The following LHFPL6 variants were observed in gnomAD, a reference collection of about 807,000 sequenced individuals.
LHFPL6 encodes the protein LHFPL tetraspan subfamily member 6.
A neutral mutation model predicts 20.6 loss-of-function variants in LHFPL6; 9 were observed. The observed-to-expected ratio is 0.44, with a 90% CI of 0.26 to 0.76. The LOEUF is 0.76. Ranked by LOEUF, LHFPL6 falls within the 30% of genes least tolerant of loss-of-function variation. The pLI is 0.20. For missense variants in LHFPL6, 218 were observed against 253.5 expected (o/e 0.86, Z 0.95); for synonymous variants, 105 against 98.7 (o/e 1.06, Z -0.38).
At chr13:39,350,104 A>T (rs554976744) in intron 3 of LHFPL6, among the ~76,000 whole-genome samples, 1 of 152,348 alleles carries the variant, frequency 6.6e-6, no homozygotes, top group East Asian at 1.9e-4. Context: ...AGCCGGGAAC[A>T]ATACAGACAG....
At chr13:39,402,902 A>T (rs1280878194) in intron 2 of LHFPL6, among the ~76,000 whole-genome samples, 1 of 152,230 alleles carries the variant, frequency 6.6e-6, no homozygotes, top group Non-Finnish European at 1.5e-5. Flanking sequence ...TGGCTGTGGG[A>T]AAGTAGCTCT....
At chr13:39,366,442 G>C (rs1216152131) in intron 3 of LHFPL6, among the ~76,000 whole-genome samples, 2 of 152,122 alleles carry the variant, frequency 1.3e-5, no homozygotes, top group Non-Finnish European at 2.9e-5. Context: ...ACTTGTACTA[G>C]CACCCATGAG....
chr13:39,527,492 C>CCAGAAAA (rs1292572663), intron 2 of LHFPL6, among the ~76,000 whole-genome samples: 4 of 151,374 alleles, frequency 2.6e-5, no homozygotes, highest in African/African-American at 9.7e-5. Flanking sequence ...CAACATGGTT[C>CCAGAAAA]CATCTGTTGT....
chr13:39,371,794 G>A (rs891150851), intron 3 of LHFPL6, among the ~76,000 whole-genome samples: 2 of 152,138 alleles, frequency 1.3e-5, no homozygotes, highest in African/African-American at 4.8e-5. Flanking sequence ...ACCATAAGAA[G>A]CACGTGGCAT....
chr13:39,348,581 G>A (rs1387518194), intron 3 of LHFPL6, among the ~76,000 whole-genome samples: 1 of 152,008 alleles, frequency 6.6e-6, no homozygotes, highest in Non-Finnish European at 1.5e-5. Flanking sequence ...TTTTTCCTTG[G>A]CACATTTCCT....
chr13:39,400,812 T>C (rs1207914009), intron 2 of LHFPL6, among the ~76,000 whole-genome samples: 76 of 84,728 alleles, frequency 9.0e-4, no homozygotes, highest in African/African-American at 2.8e-3. Flanking sequence ...AAAAAAAGAA[T>C]GGCAAATATT....
intron 2 of LHFPL6, among the ~76,000 whole-genome samples, chr13:39,535,635 G>A (rs1401615438): frequency 6.6e-6 from 1 of 152,208 alleles, no homozygotes; most frequent in Non-Finnish European, 1.5e-5. Flanking sequence ...TTCAGGGACA[G>A]TGTACACATT....
chr13:39,449,338 G>A (rs553285595), intron 2 of LHFPL6, among the ~76,000 whole-genome samples: 5 of 152,252 alleles, frequency 3.3e-5, no homozygotes, highest in East Asian at 3.9e-4. Context: ...TTACTTATAC[G>A]GTTATAAAAG....
At chr13:39,596,627 T>C (rs1157717517) in intron 2 of LHFPL6, among the ~76,000 whole-genome samples, 1 of 148,454 alleles carries the variant, frequency 6.7e-6, no homozygotes, top group Non-Finnish European at 1.5e-5. Flanking sequence ...ACAAGAGTAG[T>C]TATTATAGTA....
chr13:39,479,118 CATCTATCT>C (rs71077302), intron 2 of LHFPL6, among the ~76,000 whole-genome samples: 22 of 121,642 alleles, frequency 1.8e-4, no homozygotes, highest in East Asian at 4.6e-4. Context: ...TCTATCCATC[CATCTATCT>C]ATCTATCTAT....
rs758194335 is a variant in LHFPL6 at position 39,600,912 on chromosome 13, G to T, written c.305C>A (p.Thr102Asn). 6.3e-6 allele frequency: 10 copies of T among 1,587,860 alleles called. No individual in the cohort carries two copies. Among genetic ancestry groups the T allele is most frequent in the Middle Eastern group, 1.7e-4 (1 of 5,926 alleles). Residue 102 changes from threonine (T) to asparagine (N), a missense_variant, in exon 2 of 4, where the codon ACT becomes AAT. Physicochemically the swap from Thr to Asn is moderately conservative, Grantham distance 65. Transcript: ENST00000379589. Reference protein sequence around the residue: ...GCGLLLLVALTALMGCCVSDL... With the variant: ...GCGLLLLVALNALMGCCVSDL... ...GGAAACACAGCAACCCATGAGGGCA[G>T]TGAGCGCCACCAGGAGGAGGAGGCC...
intron 2 of LHFPL6, among the ~76,000 whole-genome samples, chr13:39,423,441 G>A (rs536372647): frequency 6.6e-6 from 1 of 150,536 alleles, no homozygotes; most frequent in Non-Finnish European, 1.5e-5. Context: ...TTTATTTTTT[G>A]AGATGAAGTG....
intron 2 of LHFPL6, among the ~76,000 whole-genome samples, chr13:39,505,073 A>G (rs2138467772): frequency 6.6e-6 from 1 of 152,304 alleles, no homozygotes; most frequent in African/African-American, 2.4e-5. Context: ...TTCATTTTAG[A>G]TTCATTTACA....
intron 2 of LHFPL6, among the ~76,000 whole-genome samples, chr13:39,525,598 C>G (rs1257763233): frequency 1.3e-5 from 2 of 151,990 alleles, no homozygotes; most frequent in African/African-American, 4.8e-5. Context: ...CCAGTAAATT[C>G]ACTTAAGGAC....
chr13:39,509,915 G>A (rs1456284074), intron 2 of LHFPL6, among the ~76,000 whole-genome samples: 1 of 152,186 alleles, frequency 6.6e-6, no homozygotes, highest in Non-Finnish European at 1.5e-5. Flanking sequence ...ACTCCAGCCT[G>A]GGTGACAGAG....
Position 39,360,967 on chromosome 13 carries a change from T to C in LHFPL6, c.485-16913A>G. ...AAAGAAAATAACAGGTTTGTGCCCA[T>C]TTATTTGTACCAGTTATTGTCCTCC... On this transcript the variant is annotated intron_variant, in intron 3 of 3. Coordinates refer to ENST00000379589, the MANE Select transcript of LHFPL6 (RefSeq NM_005780.3). 2.1e-5 allele frequency among the ~76,000 whole-genome samples: 2 copies of C among 96,650 alleles called. 1 individual carries two copies. Among genetic ancestry groups the C allele is most frequent in the Non-Finnish European group, 4.9e-5 (2 of 41,064 alleles). 63.4% of individuals were successfully genotyped at this position (96,650 alleles called of 152,430 possible).
At chr13:39,559,375 T>C (rs980038910) in intron 2 of LHFPL6, among the ~76,000 whole-genome samples, 3 of 152,174 alleles carry the variant, frequency 2.0e-5, no homozygotes, top group Non-Finnish European at 1.5e-5. Flanking sequence ...ACAGGAAGCA[T>C]GATGCGGAGG....
intron 2 of LHFPL6, among the ~76,000 whole-genome samples, chr13:39,431,111 C>G (rs1056860694): frequency 2.6e-5 from 4 of 152,184 alleles, no homozygotes; most frequent in African/African-American, 9.7e-5. Flanking sequence ...ATAACACTCA[C>G]TGGGAAGGTC....
chr13:39,479,076 TAGATAGAC>T (rs1158330060), intron 2 of LHFPL6, among the ~76,000 whole-genome samples: 2 of 148,442 alleles, frequency 1.3e-5, no homozygotes, highest in South Asian at 2.2e-4. Flanking sequence ...GATAGATAGA[TAGATAGAC>T]AGACATAGGT....
Sources: gnomAD v4.1 joint callset for allele counts (sites outside exome capture counted in the v4.1 genomes callset) on GRCh38, gnomAD v4.1.1 for gene constraint, MANE v1.5 for transcripts, NCBI Gene and HGNC (gene_info 2026-07-23, HGNC 2026-07-21) for gene names.